Variants in EPB41L4B observed in about 807,000 individuals in gnomAD.
EPB41L4B encodes the protein band 4.1-like protein 4B.
A neutral mutation model predicts 112.5 loss-of-function variants in EPB41L4B; 30 were observed. That is an observed-to-expected ratio of 0.27 (90% CI 0.20 to 0.36). The LOEUF (loss-of-function observed/expected upper bound fraction) is 0.36. EPB41L4B is among the 10% of genes least tolerant of loss of function. The probability of loss-of-function intolerance (pLI) is 1.00; values close to 1 mark genes in which losing one functional copy is unlikely to be tolerated. For synonymous variants in EPB41L4B, 408 were observed against 439.7 expected (o/e 0.93, Z 0.90); for missense variants, 1,024 against 1,133.3 (o/e 0.90, Z 1.38).
chr9:109,286,908 T>C (rs754404665), intron 1 of EPB41L4B, among the ~76,000 whole-genome samples: 1 of 152,214 alleles, frequency 6.6e-6, no homozygotes, highest in Non-Finnish European at 1.5e-5. Context: ...TATGGTGAGC[T>C]GTTCCCAAAC....
intron 1 of EPB41L4B, among the ~76,000 whole-genome samples, chr9:109,302,815 C>T (rs754254667): frequency 6.6e-6 from 1 of 152,132 alleles, no homozygotes; most frequent in Non-Finnish European, 1.5e-5. Context: ...TCCCTGGCTG[C>T]AAAGATAAGA....
At chr9:109,194,169 T>G (rs772745850) in intron 21 of EPB41L4B, 51 bp downstream of exon 21, 1 of 1,581,378 alleles carries the variant, frequency 6.3e-7, no homozygotes, top group South Asian at 1.1e-5. Flanking sequence ...AAATTGATAC[T>G]GAATTCCCAG....
chr9:109,239,377 AC>A (rs1490432600), intron 15 of EPB41L4B, among the ~76,000 whole-genome samples: 1 of 152,124 alleles, frequency 6.6e-6, no homozygotes, highest in African/African-American at 2.4e-5. Context: ...GTGGAGTTTG[AC>A]GTGTACACAG....
intron 18 of EPB41L4B, among the ~76,000 whole-genome samples, chr9:109,204,588 C>T (rs1174196330): frequency 6.6e-6 from 1 of 152,140 alleles, no homozygotes; most frequent in East Asian, 1.9e-4. Flanking sequence ...ACTTCCTGGG[C>T]TCAATCAATC....
chr9:109,180,993 C>T (rs1455672808), intron 24 of EPB41L4B, among the ~76,000 whole-genome samples: 1 of 152,042 alleles, frequency 6.6e-6, no homozygotes, highest in Non-Finnish European at 1.5e-5. Context: ...GAGGAAACTA[C>T]AGGATTTAAA....
At chr9:109,308,878 GA>G (rs1330340345) in intron 1 of EPB41L4B, among the ~76,000 whole-genome samples, 1 of 152,178 alleles carries the variant, frequency 6.6e-6, no homozygotes, top group Admixed American at 6.5e-5. Flanking sequence ...AGGATATCAA[GA>G]CCAGCCTGGC....
Position 109,174,493 on chromosome 9 carries a change from C to T in EPB41L4B, c.*61G>A. The T allele has an allele frequency of 6.7e-7, 1 of 1,484,784 alleles. No homozygotes were observed. The highest frequency in any genetic ancestry group is 9.4e-7 in the Non-Finnish European group (1 of 1,062,416). 92.0% of individuals were successfully genotyped at this position (1,484,784 alleles called of 1,614,324 possible). ...GCTGTGCTAGAGTGAGCACACAAAG[C>T]CCGAAGAAAGAAGACGGACAGAAGG... is the stretch of plus-strand genomic sequence containing the variant. On this transcript the variant is annotated 3_prime_UTR_variant, in exon 26 of 26. Coordinates refer to ENST00000374566, the MANE Select transcript of EPB41L4B (RefSeq NM_019114.5).
Position 109,255,591 on chromosome 9 carries a change from T to A in EPB41L4B, c.1089A>T (p.Ala363=). The change falls in exon 11 of 26, where the codon GCA becomes GCT. Residue 363 remains alanine (A), a synonymous_variant. Transcript: ENST00000374566. ...TTCCTGGCGTCCGCAGTCGGAAGAA[T>A]GCGTGGTGCTCAACTGCACACTTCC... The part of the protein sequence containing the change: ...HLWKCAVEHH[A]FFRLRTPGNS... 1 of 1,614,216 alleles carries A rather than the reference T, an allele frequency of 6.2e-7. No individual in the cohort carries two copies. Among genetic ancestry groups the A allele is most frequent in the East Asian group, 2.2e-5 (1 of 44,880 alleles).
In EPB41L4B at chr9:109,173,106, T is replaced by C. The variant is rs1195765018; in HGVS notation, c.*1448A>G. 1 of 152,606 alleles carries C rather than the reference T, an allele frequency of 6.6e-6. No individual in the cohort carries two copies. The highest frequency in any genetic ancestry group is 1.9e-4 in the East Asian group (1 of 5,198). The allele number at this position is 152,606 out of a possible 1,614,324, so 9.5% of individuals were successfully genotyped here. On this transcript the variant is annotated 3_prime_UTR_variant, in exon 26 of 26. Transcript: ENST00000374566. ...TAAAACAACTCTTCAAGAACAACTA[T>C]ACATACCTATTAAACTAGCAAAAAT...
intron 23 of EPB41L4B, among the ~76,000 whole-genome samples, chr9:109,183,847 GA>G (rs1431737535): frequency 6.6e-6 from 1 of 152,242 alleles, no homozygotes; most frequent in African/African-American, 2.4e-5. Flanking sequence ...GCTCCAATGG[GA>G]GGGTGAGGCA....
chr9:109,311,386 G>T (rs1011705498), intron 1 of EPB41L4B, among the ~76,000 whole-genome samples: 1 of 152,088 alleles, frequency 6.6e-6, no homozygotes, highest in East Asian at 1.9e-4. Flanking sequence ...CAGAGCTGAG[G>T]GATGCCAGCT....
chr9:109,314,133 G>A (rs1037653383), intron 1 of EPB41L4B, among the ~76,000 whole-genome samples: 1 of 152,210 alleles, frequency 6.6e-6, no homozygotes, highest in Non-Finnish European at 1.5e-5. Flanking sequence ...GTTCCCACTG[G>A]AGGAGAAGGC....
At chr9:109,197,944 A>T (rs1472244865) in intron 20 of EPB41L4B, among the ~76,000 whole-genome samples, 1 of 152,228 alleles carries the variant, frequency 6.6e-6, no homozygotes. Flanking sequence ...GAGTGATAGT[A>T]ACATTTTGAG....
intron 14 of EPB41L4B, among the ~76,000 whole-genome samples, chr9:109,243,968 G>A (rs1253811651): frequency 1.3e-5 from 2 of 152,208 alleles, no homozygotes; most frequent in Non-Finnish European, 2.9e-5. Context: ...CCTTGAAGGG[G>A]GTCGTCCGGA....
chr9:109,238,295 A>T (rs116678751), intron 15 of EPB41L4B, among the ~76,000 whole-genome samples: 2,385 of 152,242 alleles, frequency 0.016, 65 homozygotes, highest in African/African-American at 0.055. Context: ...AATGCCTCAA[A>T]CGAGAACACA....
chr9:109,279,716 G>C (rs147189130), intron 2 of EPB41L4B, 101 bp downstream of exon 2: 652 of 1,008,782 alleles, frequency 6.5e-4, no homozygotes, highest in Admixed American at 1.3e-3. Context: ...CAGTATCACA[G>C]TTTTAGTCTT....
chr9:109,302,892 T>C (rs1423913553), intron 1 of EPB41L4B, among the ~76,000 whole-genome samples: 1 of 151,936 alleles, frequency 6.6e-6, no homozygotes, highest in East Asian at 1.9e-4. Context: ...GACAGTGTAA[T>C]ATAAAGATTA....
At chr9:109,263,976 C>T (rs775558993) in intron 5 of EPB41L4B, among the ~76,000 whole-genome samples, 1 of 151,718 alleles carries the variant, frequency 6.6e-6, no homozygotes, top group African/African-American at 2.4e-5. Context: ...TTTTCCAAAC[C>T]GAAGACAATT....
rs1433817062 is a variant in EPB41L4B, at chr9:109,174,155, C to T, written c.*399G>A. On this transcript the variant is annotated 3_prime_UTR_variant, in exon 26 of 26. Transcript: ENST00000374566. Reference sequence around the variant, plus strand: ...AGAATTATTCTTTCATTAAAAATGACTCTTTAACAAACAGTCAAAGCTCGG... The same window carrying T: ...AGAATTATTCTTTCATTAAAAATGATTCTTTAACAAACAGTCAAAGCTCGG... 2 of 161,244 alleles carry T rather than the reference C, an allele frequency of 1.2e-5. No homozygotes were observed. The highest frequency in any genetic ancestry group is 4.8e-5 in the African/African-American group (2 of 41,674). The allele number at this position is 161,244 out of a possible 1,614,324, so 10.0% of individuals were successfully genotyped here.
Sources: allele counts gnomAD v4.1 joint callset (sites outside exome capture counted in the v4.1 genomes callset), GRCh38; gene constraint gnomAD v4.1.1; transcripts MANE v1.5; gene names NCBI Gene and HGNC (gene_info 2026-07-23, HGNC 2026-07-21).